The following PLCZ1 variants were observed in gnomAD, a reference collection of about 807,000 sequenced individuals.
PLCZ1 encodes the protein phospholipase C zeta 1.
In PLCZ1, 64 loss-of-function variants were observed where a neutral mutation model predicts 76.8. The observed-to-expected ratio is 0.83, with a 90% CI of 0.68 to 1.03. The LOEUF is 1.03. Among genes scored for constraint, PLCZ1 ranks in the 50% least tolerant of loss-of-function variants. PLCZ1 has a pLI of 0.00. For synonymous variants in PLCZ1, 248 were observed against 230.8 expected (o/e 1.07, Z -0.68); for missense variants, 751 against 713.7 (o/e 1.05, Z -0.60).
downstream of PLCZ1, among the ~76,000 whole-genome samples, chr12:18,680,120 T>C (rs552476141): frequency 6.6e-6 from 1 of 152,138 alleles, no homozygotes; most frequent in East Asian, 1.9e-4. Flanking sequence ...GTTTTTGCAG[T>C]ACTGAGAAGA....
chr12:18,692,972 A>G, intron 12 of PLCZ1: 1 of 1,436,262 alleles, frequency 7.0e-7, no homozygotes, highest in Non-Finnish European at 9.8e-7. Context: ...TACTGAAGTT[A>G]GAGAGAATTA....
the PLCZ1 span, among the ~76,000 whole-genome samples, chr12:18,676,878 C>G: frequency 6.6e-6 from 1 of 152,208 alleles, no homozygotes; most frequent in Admixed American, 6.5e-5. Flanking sequence ...ATAATAATAA[C>G]AGGAAGATCT....
At chr12:18,656,716 CAG>C in the PLCZ1 span, among the ~76,000 whole-genome samples, 1 of 150,334 alleles carries the variant, frequency 6.7e-6, no homozygotes, top group Non-Finnish European at 1.5e-5. Context: ...GCCTGGGTGA[CAG>C]AGCATGACCC....
chr12:18,728,834 G>T (rs2150748272), intron 3 of PLCZ1, among the ~76,000 whole-genome samples: 1 of 152,184 alleles, frequency 6.6e-6, no homozygotes, highest in African/African-American at 2.4e-5. Flanking sequence ...ATTAGAAGAG[G>T]ATATGGTGCT....
the PLCZ1 span, among the ~76,000 whole-genome samples, chr12:18,654,493 C>T: frequency 2.0e-5 from 3 of 152,164 alleles, no homozygotes; most frequent in East Asian, 3.9e-4. Context: ...AAATGTGGTC[C>T]GATTTCAGAC....
chr12:18,719,144 G>A (rs1365848808), intron 5 of PLCZ1, among the ~76,000 whole-genome samples: 1 of 152,118 alleles, frequency 6.6e-6, no homozygotes, highest in African/African-American at 2.4e-5. Context: ...TTTGAGAAGT[G>A]TCTAGGTTAT....
At chr12:18,648,946 GA>G in the PLCZ1 span, among the ~76,000 whole-genome samples, 1,286 of 151,922 alleles carry the variant, frequency 8.5e-3, 24 homozygotes, top group African/African-American at 0.029. Context: ...GTGTATGAAT[GA>G]AAAAAAATCT....
chr12:18,718,815 G>A (rs986979634), intron 5 of PLCZ1, among the ~76,000 whole-genome samples: 3 of 152,254 alleles, frequency 2.0e-5, no homozygotes, highest in Admixed American at 1.3e-4. Flanking sequence ...GATAAATGTA[G>A]CAGCTTTGAA....
At chr12:18,664,463 T>C in the PLCZ1 span, among the ~76,000 whole-genome samples, 3 of 152,166 alleles carry the variant, frequency 2.0e-5, no homozygotes, top group African/African-American at 7.2e-5. Context: ...TTATGGCATA[T>C]ACTACAGCAT....
Position 18,696,219 on chromosome 12 carries a change from G to T in PLCZ1, c.1222C>A (p.Pro408Thr), listed in dbSNP as rs770397160. The T allele has an allele frequency of 6.3e-7, 1 of 1,599,066 alleles. No individual in the cohort carries two copies. Among genetic ancestry groups the T allele is most frequent in the Non-Finnish European group, 8.5e-7 (1 of 1,170,592 alleles). Residue 408 changes from proline (P) to threonine (T), a missense_variant, in exon 11 of 15, where the codon CCC becomes ACC. Coordinates refer to ENST00000266505, the MANE Select transcript of PLCZ1 (RefSeq NM_033123.4). Reference sequence around the variant, plus strand: ...GAAGAGTCTGCTCTTGTTGCTTTGGGATATATTCTGGTAATGAACTTCCTG... The same window carrying T: ...GAAGAGTCTGCTCTTGTTGCTTTGGTATATATTCTGGTAATGAACTTCCTG... ...HTRKFITRIY[P>T]KATRADSSNF...
At chr12:18,706,968 T>C (rs1391569462) in intron 6 of PLCZ1, among the ~76,000 whole-genome samples, 3 of 152,216 alleles carry the variant, frequency 2.0e-5, no homozygotes, top group Non-Finnish European at 4.4e-5. Context: ...TCCTTGCCTC[T>C]TCCAGGTTTG....
intron 9 of PLCZ1, among the ~76,000 whole-genome samples, chr12:18,700,538 A>AG (rs67201997): frequency 2.2e-5 from 3 of 135,982 alleles, no homozygotes. Flanking sequence ...AAAAAAAAAT[A>AG]GTTGCTCTGC....
the PLCZ1 span, among the ~76,000 whole-genome samples, chr12:18,668,437 CA>C: frequency 6.6e-6 from 1 of 152,086 alleles, no homozygotes. Flanking sequence ...AAATGGAACC[CA>C]ACCTACACAC....
the PLCZ1 span, among the ~76,000 whole-genome samples, chr12:18,662,001 TA>T: frequency 6.6e-6 from 1 of 152,128 alleles, no homozygotes; most frequent in Non-Finnish European, 1.5e-5. Flanking sequence ...ATTATCCCAT[TA>T]TCCTAAGTGA....
intron 12 of PLCZ1, chr12:18,693,338 T>TG (rs1954429953): frequency 6.4e-7 from 1 of 1,564,344 alleles, no homozygotes; most frequent in Non-Finnish European, 8.8e-7. Flanking sequence ...ATGCAGATAC[T>TG]GGGGGGTTGG....
chr12:18,663,762 T>C, the PLCZ1 span, among the ~76,000 whole-genome samples: 1 of 151,786 alleles, frequency 6.6e-6, no homozygotes, highest in Non-Finnish European at 1.5e-5. Context: ...TTCATGAAAA[T>C]TGAAAAATGT....
chr12:18,737,346 G>C lies in PLCZ1; in HGVS notation c.11+15C>G. 6.2e-7 allele frequency: 1 copy of C among 1,611,562 alleles called. No homozygotes were observed. Among genetic ancestry groups the C allele is most frequent in the Non-Finnish European group, 8.5e-7 (1 of 1,177,718 alleles). On this transcript the variant is annotated intron_variant, in intron 2 of 14. Transcript: ENST00000266505. ...GAAAGAAGAAGAGGAGCAGAAAGAA[G>C]CTCTCAATGGATATCTCATTTCCAT...
the PLCZ1 span, among the ~76,000 whole-genome samples, chr12:18,677,310 A>G: frequency 6.6e-6 from 1 of 152,156 alleles, no homozygotes; most frequent in Non-Finnish European, 1.5e-5. Context: ...AAGCTAAGCC[A>G]GGCACACGAC....
the PLCZ1 span, among the ~76,000 whole-genome samples, chr12:18,672,291 A>C: frequency 2.0e-5 from 3 of 152,116 alleles, no homozygotes; most frequent in Non-Finnish European, 4.4e-5. Context: ...CAGCACCTCT[A>C]TTACTCAGTC....
Sources: allele counts gnomAD v4.1 joint callset (sites outside exome capture counted in the v4.1 genomes callset), GRCh38; gene constraint gnomAD v4.1.1; transcripts MANE v1.5; gene names NCBI Gene and HGNC (gene_info 2026-07-23, HGNC 2026-07-21).